The following POFUT3 variants were observed in gnomAD, a reference collection of about 807,000 sequenced individuals.
POFUT3 encodes GDP-fucose protein O-fucosyltransferase 3.
At chr8:33,426,223 G>T in the POFUT3 span, among the ~76,000 whole-genome samples, 4 of 152,056 alleles carry the variant, frequency 2.6e-5, no homozygotes, top group Non-Finnish European at 4.4e-5. Context: ...ACTTCTTAAA[G>T]AGATTATAGA....
chr8:33,399,906 G>A, the POFUT3 span, among the ~76,000 whole-genome samples: 1 of 151,696 alleles, frequency 6.6e-6, no homozygotes, highest in Non-Finnish European at 1.5e-5. Context: ...CGCCCATCTC[G>A]GCCTCCCAAA....
At chr8:33,309,161 A>ATGGGG in the POFUT3 span, among the ~76,000 whole-genome samples, 6 of 58,828 alleles carry the variant, frequency 1.0e-4, no homozygotes, top group African/African-American at 7.1e-4. Flanking sequence ...AAAAAAAAAA[A>ATGGGG]AAAAAAATAT....
At chr8:33,453,261 G>A in the POFUT3 span, 48 of 1,614,070 alleles carry the variant, frequency 3.0e-5, 1 homozygote, top group Middle Eastern at 1.3e-3. Context: ...AGGTAGGTCC[G>A]GTTGATGGTG....
the POFUT3 span, chr8:33,436,707 C>T: frequency 1.4e-6 from 1 of 736,942 alleles, no homozygotes; most frequent in East Asian, 2.7e-5. Context: ...CCATCCTGAC[C>T]ACAGCTAGCA....
chr8:33,438,679 C>A, the POFUT3 span, among the ~76,000 whole-genome samples: 2 of 152,174 alleles, frequency 1.3e-5, no homozygotes, highest in Admixed American at 6.6e-5. Context: ...AATAGACCCA[C>A]AGTTACACAT....
the POFUT3 span, among the ~76,000 whole-genome samples, chr8:33,355,666 T>C: frequency 2.0e-5 from 3 of 152,164 alleles, no homozygotes; most frequent in East Asian, 5.8e-4. Flanking sequence ...CATTTATTTT[T>C]TTTTTGGTTT....
At chr8:33,472,605 C>A in the POFUT3 span, among the ~76,000 whole-genome samples, 1 of 152,212 alleles carries the variant, frequency 6.6e-6, no homozygotes, top group Non-Finnish European at 1.5e-5. Context: ...ATTCCTGCAA[C>A]AAGTGATTCT....
At chr8:33,362,185 G>A in the POFUT3 span, among the ~76,000 whole-genome samples, 2 of 152,090 alleles carry the variant, frequency 1.3e-5, no homozygotes, top group Admixed American at 1.3e-4. Flanking sequence ...ATAAGTGAAG[G>A]ATAAATAAAG....
chr8:33,366,912 G>C, the POFUT3 span, among the ~76,000 whole-genome samples: 1 of 152,046 alleles, frequency 6.6e-6, no homozygotes, highest in African/African-American at 2.4e-5. Flanking sequence ...GTGTAGCACA[G>C]GTATTTTACT....
At chr8:33,321,624 G>A in the POFUT3 span, among the ~76,000 whole-genome samples, 1 of 152,090 alleles carries the variant, frequency 6.6e-6, no homozygotes, top group Admixed American at 6.6e-5. Flanking sequence ...AAGTCACTAA[G>A]ACCAGCCCAG....
At chr8:33,461,623 G>C in the POFUT3 span, 4 of 1,530,444 alleles carry the variant, frequency 2.6e-6, no homozygotes, top group South Asian at 3.6e-5. Flanking sequence ...CCGAGGTTGT[G>C]AGAGGGTCTG....
At chr8:33,423,579 C>G in the POFUT3 span, among the ~76,000 whole-genome samples, 3 of 152,064 alleles carry the variant, frequency 2.0e-5, no homozygotes, top group Non-Finnish European at 4.4e-5. Context: ...CCAATTCTTG[C>G]AGTTTTTGAC....
At chr8:33,402,103 C>A in the POFUT3 span, among the ~76,000 whole-genome samples, 1 of 152,172 alleles carries the variant, frequency 6.6e-6, no homozygotes, top group Admixed American at 6.5e-5. Context: ...CTAAGGCACT[C>A]AGTAATTGCT....
the POFUT3 span, among the ~76,000 whole-genome samples, chr8:33,354,977 G>A: frequency 2.6e-5 from 4 of 152,168 alleles, no homozygotes; most frequent in Non-Finnish European, 2.9e-5. Flanking sequence ...AACTTTCGTT[G>A]TTTACACAAA....
chr8:33,317,683 C>T, the POFUT3 span, among the ~76,000 whole-genome samples: 1 of 152,000 alleles, frequency 6.6e-6, no homozygotes, highest in African/African-American at 2.4e-5. Context: ...TGCTGGTTGC[C>T]CTGTAAATAA....
the POFUT3 span, among the ~76,000 whole-genome samples, chr8:33,309,167 A>AAATAT: frequency 5.2e-4 from 28 of 53,668 alleles, no homozygotes; most frequent in African/African-American, 7.3e-4. Flanking sequence ...AAAAAAAAAA[A>AAATAT]ATATATATAT....
At chr8:33,461,395 C>T in the POFUT3 span, 13,292 of 1,612,060 alleles carry the variant, frequency 8.2e-3, 144 homozygotes, top group African/African-American at 0.046. Context: ...AGCAGAAAGA[C>T]GGTGGCTGTG....
the POFUT3 span, among the ~76,000 whole-genome samples, chr8:33,320,313 T>C: frequency 6.6e-6 from 1 of 152,016 alleles, no homozygotes; most frequent in Admixed American, 6.6e-5. Flanking sequence ...TCAATGATAA[T>C]GAGATAATAT....
At chr8:33,471,707 T>C in the POFUT3 span, among the ~76,000 whole-genome samples, 2 of 152,236 alleles carry the variant, frequency 1.3e-5, no homozygotes, top group Non-Finnish European at 2.9e-5. Context: ...AAATATTGTT[T>C]GTAAGATAAA....
Sources: gnomAD v4.1 joint callset for allele counts (sites outside exome capture counted in the v4.1 genomes callset) on GRCh38, gnomAD v4.1.1 for gene constraint, MANE v1.5 for transcripts, NCBI Gene and HGNC (gene_info 2026-07-23, HGNC 2026-07-21) for gene names.